AP3S1: variants seen among roughly 807,000 people sequenced by gnomAD.
The protein encoded by AP3S1 is AP-3 complex subunit sigma-1.
In AP3S1, 12 loss-of-function variants were observed where a neutral mutation model predicts 21.3. The ratio of observed to expected loss-of-function variants is 0.56; its 90% CI spans 0.36 to 0.91. The LOEUF is 0.91. AP3S1 is among the 40% of genes least tolerant of loss of function. AP3S1 has a pLI of 0.01. For synonymous variants in AP3S1, 48 were observed against 78.4 expected, an observed-to-expected ratio of 0.61 and a Z score of 2.05; for missense variants, 116 against 225.0, an observed-to-expected ratio of 0.52 and a Z score of 3.10.
At chr5:115,887,008 ATAT>A (rs1449311194) in intron 3 of AP3S1, among the ~76,000 whole-genome samples, 2 of 152,220 alleles carry the variant, frequency 1.3e-5, no homozygotes, top group East Asian at 3.8e-4. Flanking sequence ...ATGCAGTCAT[ATAT>A]TGAGTCAAGT....
At chr5:115,912,464 T>G (rs1345582782) in intron 5 of AP3S1, among the ~76,000 whole-genome samples, 1 of 152,068 alleles carries the variant, frequency 6.6e-6, no homozygotes, top group African/African-American at 2.4e-5. Flanking sequence ...TTTTCTTTTA[T>G]TTGTAAGCAT....
intron 3 of AP3S1, among the ~76,000 whole-genome samples, chr5:115,891,162 T>C (rs886983173): frequency 1.3e-5 from 2 of 152,166 alleles, no homozygotes; most frequent in Non-Finnish European, 2.9e-5. Context: ...TACTAAATGA[T>C]ACTAATTTTT....
intron 3 of AP3S1, among the ~76,000 whole-genome samples, chr5:115,887,345 A>G (rs1301923713): frequency 7.4e-6 from 1 of 135,390 alleles, no homozygotes; most frequent in Non-Finnish European, 1.6e-5. Flanking sequence ...TTCGTATCTT[A>G]TAACATGTCA....
At chr5:115,843,043 AGAGAT>A (rs1437614144) in intron 1 of AP3S1, among the ~76,000 whole-genome samples, 2 of 152,208 alleles carry the variant, frequency 1.3e-5, no homozygotes, top group Non-Finnish European at 2.9e-5. Flanking sequence ...TTAAGGTAGT[AGAGAT>A]AAGTGATTTG....
At chr5:115,855,063 C>CTATCTATCTCTG (rs1175210507) in intron 1 of AP3S1, among the ~76,000 whole-genome samples, 2 of 149,904 alleles carry the variant, frequency 1.3e-5, no homozygotes, top group African/African-American at 4.9e-5. Context: ...ATCTATCTAT[C>CTATCTATCTCTG]TCTGTCTCTG....
chr5:115,896,055 A>G (rs1427121029), intron 4 of AP3S1, among the ~76,000 whole-genome samples: 1 of 152,170 alleles, frequency 6.6e-6, no homozygotes, highest in Non-Finnish European at 1.5e-5. Flanking sequence ...GAGTGATTCA[A>G]CTACTGAGTA....
In AP3S1 at chr5:115,841,962, C is replaced by G. The variant is rs1362490071; in HGVS notation, c.-76C>G. 11 of 1,514,614 alleles carry G rather than the reference C, an allele frequency of 7.3e-6. No homozygotes were observed. The East Asian group carries it at 2.0e-4, about 28-fold the overall frequency. The allele number at this position is 1,514,614 out of a possible 1,614,324, so 93.8% of individuals were successfully genotyped here. A position where few individuals can be genotyped will look rare whatever the true frequency, so the allele number is the denominator to read the frequency against. On this transcript the variant is annotated 5_prime_UTR_variant, in exon 1 of 6. Transcript: ENST00000316788. Reference sequence around the variant, plus strand: ...GGGGCGGGTGGGGAAGGATCGCAGGCGAGATTACGAGGCGAGGCTCGCGCG... The same window carrying G: ...GGGGCGGGTGGGGAAGGATCGCAGGGGAGATTACGAGGCGAGGCTCGCGCG...
At position 115,906,073 on chromosome 5, in the gene AP3S1, G is replaced by A. The variant is rs910078857; in HGVS notation, c.453+3081G>A. Among the ~76,000 whole-genome samples the A allele has an allele frequency of 3.9e-5, 6 of 152,294 alleles. No individual in the cohort carries two copies. In the East Asian group the frequency reaches 5.8e-4, roughly 15 times the overall value. ...CTCTGGAGCCTGACGCGCAAGAATC[G>A]CCCGATTCCGGGAGGCGGAGGTTGC... On this transcript the variant is annotated intron_variant, in intron 5 of 5. Coordinates refer to ENST00000316788, the MANE Select transcript of AP3S1 (RefSeq NM_001284.4).
intron 2 of AP3S1, among the ~76,000 whole-genome samples, chr5:115,868,134 A>G (rs1747860671): frequency 6.6e-6 from 1 of 152,196 alleles, no homozygotes; most frequent in African/African-American, 2.4e-5. Flanking sequence ...TTTTGTCAGT[A>G]TTATACTATA....
At chr5:115,907,218 A>AGAACCAATAT (rs1294038970) in intron 5 of AP3S1, among the ~76,000 whole-genome samples, 1 of 152,214 alleles carries the variant, frequency 6.6e-6, no homozygotes, top group Non-Finnish European at 1.5e-5. Flanking sequence ...ATCATATAGC[A>AGAACCAATAT]GAACCAATCT....
intron 1 of AP3S1, among the ~76,000 whole-genome samples, chr5:115,863,888 C>T (rs1225477345): frequency 1.3e-5 from 2 of 152,216 alleles, no homozygotes; most frequent in Admixed American, 1.3e-4. Flanking sequence ...GAGAAGCCAG[C>T]TGTTGCTGAC....
At chr5:115,891,847 C>T (rs1750334835) in intron 3 of AP3S1, among the ~76,000 whole-genome samples, 1 of 152,214 alleles carries the variant, frequency 6.6e-6, no homozygotes, top group East Asian at 1.9e-4. Context: ...AGGGTTGGAG[C>T]TGCCCAAGGC....
At chr5:115,886,340 C>G (rs1388588504) in intron 3 of AP3S1, among the ~76,000 whole-genome samples, 1 of 152,048 alleles carries the variant, frequency 6.6e-6, no homozygotes, top group East Asian at 1.9e-4. Flanking sequence ...TCTCGTGCCT[C>G]CCATTCCACC....
At chr5:115,896,069 GTC>G (rs1412706791) in intron 4 of AP3S1, among the ~76,000 whole-genome samples, 5 of 152,072 alleles carry the variant, frequency 3.3e-5, no homozygotes, top group African/African-American at 4.8e-5. Flanking sequence ...CTGAGTAAGA[GTC>G]TGAAAATTTT....
At chr5:115,894,966 G>C (rs760775215) in intron 3 of AP3S1, 121 bp from the exon 4 acceptor site, 6 of 613,542 alleles carry the variant, frequency 9.8e-6, no homozygotes, top group Non-Finnish European at 1.4e-5. Context: ...ACAATTTTTA[G>C]TTTGAAAAAG....
At position 115,902,876 on chromosome 5, in the gene AP3S1, T is replaced by C. The variant is rs1324648779; in HGVS notation, c.346-9T>C. The C allele has an allele frequency of 2.7e-5, 9 of 334,552 alleles. No homozygotes were observed. The highest frequency in any genetic ancestry group is 3.6e-5 in the Non-Finnish European group (7 of 194,550). The allele number at this position is 334,552 out of a possible 1,614,324, so 20.7% of individuals were successfully genotyped here. On this transcript the variant is annotated splice_polypyrimidine_tract_variant and intron_variant, in intron 4 of 5. Coordinates refer to ENST00000316788, the MANE Select transcript of AP3S1 (RefSeq NM_001284.4). The stretch of plus-strand genomic sequence containing the variant: ...TCTTTATGGGTATATATTCTTTTAT[T>C]CCCTTTAGGTTCACAATATTCTTGC...
intron 3 of AP3S1, among the ~76,000 whole-genome samples, chr5:115,888,740 A>G (rs1397390545): frequency 6.6e-6 from 1 of 151,862 alleles, no homozygotes; most frequent in African/African-American, 2.4e-5. Flanking sequence ...TCTTCCTTTT[A>G]TATCAGTATT....
chr5:115,892,197 C>T (rs1416916131), intron 3 of AP3S1, among the ~76,000 whole-genome samples: 1 of 152,152 alleles, frequency 6.6e-6, no homozygotes, highest in Non-Finnish European at 1.5e-5. Context: ...AAAGGGAACC[C>T]TTGTACACTT....
chr5:115,888,940 T>G (rs1750032143), intron 3 of AP3S1, among the ~76,000 whole-genome samples: 1 of 152,140 alleles, frequency 6.6e-6, no homozygotes, highest in Non-Finnish European at 1.5e-5. Flanking sequence ...ATCTCTATCT[T>G]ATAGTTCTGA....
Sources: gnomAD v4.1 joint callset for allele counts (sites outside exome capture counted in the v4.1 genomes callset) on GRCh38, gnomAD v4.1.1 for gene constraint, MANE v1.5 for transcripts, NCBI Gene and HGNC (gene_info 2026-07-23, HGNC 2026-07-21) for gene names.